Variants in SFMBT1 observed in about 807,000 individuals in gnomAD.
SFMBT1 encodes the protein Scm like with four mbt domains 1, also known as scm-like with four MBT domains protein 1.
A neutral mutation model predicts 108.7 loss-of-function variants in SFMBT1; 32 were observed. The observed-to-expected ratio is 0.29, with a 90% CI of 0.22 to 0.40. SFMBT1 has a LOEUF of 0.40. SFMBT1 is among the 10% of genes least tolerant of loss of function. The pLI is 1.00. For synonymous variants in SFMBT1, 348 were observed against 369.5 expected (o/e 0.94, Z 0.67); for missense variants, 816 against 1,059.6 (o/e 0.77, Z 3.19).
chr3:52,966,005 CAAAAAAAA>C (rs775989805), intron 2 of SFMBT1, among the ~76,000 whole-genome samples: 6 of 55,044 alleles, frequency 1.1e-4, no homozygotes, highest in South Asian at 8.1e-4. Context: ...GACTCCGTTT[CAAAAAAAA>C]AAAAAAAAAA....
chr3:52,940,268 G>A (rs1703140463), intron 4 of SFMBT1, among the ~76,000 whole-genome samples: 1 of 152,188 alleles, frequency 6.6e-6, no homozygotes, highest in East Asian at 1.9e-4. Context: ...TCAGATCTTC[G>A]TTTCCAAATA....
chr3:52,917,871 T>C (rs1012106210), intron 13 of SFMBT1, among the ~76,000 whole-genome samples: 3 of 152,174 alleles, frequency 2.0e-5, no homozygotes, highest in African/African-American at 7.2e-5. Flanking sequence ...GCCAAAAACG[T>C]TGGGGACCGC....
intron 1 of SFMBT1, among the ~76,000 whole-genome samples, chr3:53,038,431 T>G (rs1699933103): frequency 6.6e-6 from 1 of 152,244 alleles, no homozygotes; most frequent in African/African-American, 2.4e-5. Flanking sequence ...TATTCTTCAA[T>G]GGTTTCCAGA....
chr3:52,978,970 C>G (rs530503243), intron 1 of SFMBT1, among the ~76,000 whole-genome samples: 1 of 152,038 alleles, frequency 6.6e-6, no homozygotes, highest in South Asian at 2.1e-4. Flanking sequence ...TAATGGATAA[C>G]GACTACTAAT....
chr3:53,019,135 A>C (rs58309671), intron 1 of SFMBT1: 1 of 152,008 alleles, frequency 6.6e-6, no homozygotes. Flanking sequence ...ACAGAAAAAA[A>C]TTTTTTTAAT....
chr3:52,969,492 TAATA>T (rs1393307186), intron 1 of SFMBT1, among the ~76,000 whole-genome samples: 2 of 151,876 alleles, frequency 1.3e-5, no homozygotes, highest in African/African-American at 4.8e-5. Flanking sequence ...GAGATCTTGA[TAATA>T]AATCTAAAAC....
intron 13 of SFMBT1, among the ~76,000 whole-genome samples, chr3:52,917,925 C>A (rs1644299678): frequency 6.6e-6 from 1 of 152,162 alleles, no homozygotes; most frequent in African/African-American, 2.4e-5. Flanking sequence ...ATGGCAGCCC[C>A]AGCAGATTAA....
intron 2 of SFMBT1, among the ~76,000 whole-genome samples, chr3:52,962,181 T>C (rs1380419631): frequency 6.6e-6 from 1 of 152,190 alleles, no homozygotes; most frequent in Non-Finnish European, 1.5e-5. Context: ...AACTTGGCAA[T>C]ATCCAACAAA....
In SFMBT1 at chr3:52,951,191, A is replaced by AAC. The variant is rs1553637576; in HGVS notation, c.123+3124_123+3125dup. On this transcript the variant is annotated intron_variant, in intron 3 of 20. Coordinates refer to ENST00000394752, the MANE Select transcript of SFMBT1 (RefSeq NM_016329.4). Reference sequence around the variant, plus strand: ...TTCCTTCTCCAAAAAAAAAAAAAAAAACACACATTCCTTCTCTAACACTCT... The same window carrying AAC: ...TTCCTTCTCCAAAAAAAAAAAAAAAAACACACACATTCCTTCTCTAACACTCT... 2.1e-4 allele frequency among the ~76,000 whole-genome samples: 29 copies of AAC among 136,034 alleles called. 1 individual carries two copies. The South Asian group carries it at 6.3e-3, about 29-fold the overall frequency. 89.2% of individuals were successfully genotyped at this position (136,034 alleles called of 152,430 possible).
intron 2 of SFMBT1, among the ~76,000 whole-genome samples, chr3:52,958,047 C>G (rs1703836578): frequency 6.6e-6 from 1 of 152,100 alleles, no homozygotes; most frequent in South Asian, 2.1e-4. Flanking sequence ...GAGAACATTT[C>G]TGTAATCTCT....
chr3:53,009,535 T>C (rs2106926062), intron 1 of SFMBT1, among the ~76,000 whole-genome samples: 1 of 152,352 alleles, frequency 6.6e-6, no homozygotes, highest in East Asian at 1.9e-4. Context: ...AATCTGGTGC[T>C]AGATAATACA....
chr3:52,943,210 A>C (rs1269134760), intron 4 of SFMBT1, 143 bp downstream of exon 4: 1 of 958,342 alleles, frequency 1.0e-6, no homozygotes, highest in Non-Finnish European at 1.5e-6. Flanking sequence ...ATTATTCCTT[A>C]TAAATATTTT....
intron 1 of SFMBT1, among the ~76,000 whole-genome samples, chr3:53,033,305 C>T (rs1272854340): frequency 4.6e-5 from 7 of 152,000 alleles, no homozygotes; most frequent in Non-Finnish European, 1.0e-4. Context: ...GGATTACAGG[C>T]ACACATCACC....
chr3:52,963,237 C>T (rs897494198), intron 2 of SFMBT1, among the ~76,000 whole-genome samples: 6 of 151,816 alleles, frequency 4.0e-5, no homozygotes, highest in Non-Finnish European at 5.9e-5. Context: ...TCAGGTGGTC[C>T]GCCCGCCTCG....
At chr3:53,002,052 G>T (rs771539136) in intron 1 of SFMBT1, among the ~76,000 whole-genome samples, 7 of 149,648 alleles carry the variant, frequency 4.7e-5, no homozygotes, top group African/African-American at 9.7e-5. Flanking sequence ...GTTCAAATAT[G>T]TGTACTACAT....
At chr3:52,938,365 T>C (rs1365100935) in intron 4 of SFMBT1, among the ~76,000 whole-genome samples, 1 of 152,186 alleles carries the variant, frequency 6.6e-6, no homozygotes, top group East Asian at 1.9e-4. Flanking sequence ...TTTTTTACTA[T>C]GTGATCTATC....
intron 11 of SFMBT1, 137 bp downstream of exon 11, chr3:52,921,568 A>T: frequency 2.2e-6 from 2 of 910,812 alleles, no homozygotes; most frequent in Non-Finnish European, 3.2e-6. Context: ...TTTCGCTTAG[A>T]GTCTTGCATT....
intron 6 of SFMBT1, among the ~76,000 whole-genome samples, chr3:52,931,523 T>C (rs1380122544): frequency 6.6e-6 from 1 of 151,966 alleles, no homozygotes; most frequent in African/African-American, 2.4e-5. Flanking sequence ...TGGTAAATTA[T>C]AAAAGCAATA....
chr3:52,926,245 C>A (rs34585187), intron 9 of SFMBT1, 132 bp from the exon 10 acceptor site: 510,041 of 716,452 alleles, frequency 0.71, 183,682 homozygotes, highest in Middle Eastern at 0.75. Flanking sequence ...TTTAGAGGGG[C>A]GAAAAGCATT....
Sources: gnomAD v4.1 joint callset for allele counts (sites outside exome capture counted in the v4.1 genomes callset) on GRCh38, gnomAD v4.1.1 for gene constraint, MANE v1.5 for transcripts, NCBI Gene and HGNC (gene_info 2026-07-23, HGNC 2026-07-21) for gene names.